ADGRB1: variants seen among roughly 807,000 people sequenced by gnomAD.
The protein encoded by ADGRB1 is adhesion G protein-coupled receptor B1.
In ADGRB1, 36 loss-of-function variants were observed where a neutral mutation model predicts 175.7. The observed-to-expected ratio is 0.20, with a 90% CI of 0.16 to 0.27. The LOEUF (loss-of-function observed/expected upper bound fraction) is 0.27. Among genes scored for constraint, ADGRB1 ranks in the 10% least tolerant of loss-of-function variants. ADGRB1 has a pLI of 1.00. For synonymous variants in ADGRB1, 1,054 were observed against 979.4 expected, an observed-to-expected ratio of 1.08 and a Z score of -1.42; for missense variants, 1,731 against 2,255.3, an observed-to-expected ratio of 0.77 and a Z score of 4.71.
intron 18 of ADGRB1, among the ~76,000 whole-genome samples, chr8:142,516,257 CGT>C (rs1843417050): frequency 8.2e-6 from 1 of 121,238 alleles, no homozygotes; most frequent in East Asian, 2.7e-4. Flanking sequence ...GCCCCAGGTG[CGT>C]GCGTCTGTGC....
rs1343160069 is a variant in ADGRB1 at position 142,542,185 on chromosome 8, C to T, written c.3951C>T (p.Ser1317=). 4 of 1,613,730 alleles carry T rather than the reference C, an allele frequency of 2.5e-6. No individual in the cohort carries two copies. The highest frequency in any genetic ancestry group is 2.2e-5 in the East Asian group (1 of 44,884). ...LTLKRDKAPK[S]SFVGDGDIFK... is the part of the protein sequence containing the mutation. ...TCAAGAGGGACAAGGCGCCCAAGTCCTCCTTCGTCGGTGACGGGGACATCT... is the reference window on the plus strand; with the variant it reads ...TCAAGAGGGACAAGGCGCCCAAGTCTTCCTTCGTCGGTGACGGGGACATCT... The change falls in exon 28 of 31, where the codon TCC becomes TCT. Residue 1317 remains serine (S), a synonymous_variant. Coordinates refer to ENST00000517894, the MANE Select transcript of ADGRB1 (RefSeq NM_001702.3). This position sits in a 1 kb window ranked among gnomAD's most constrained non-coding sequence, Gnocchi z 6.3.
intron 19 of ADGRB1, among the ~76,000 whole-genome samples, chr8:142,520,096 T>G (rs9801882): frequency 0.91 from 127,202 of 140,330 alleles, 57,180 homozygotes; most frequent in Admixed American, 0.94. Context: ...CTGTGTTGGT[T>G]ATGGTGATAG....
chr8:142,484,981 C>T (rs546825409), intron 13 of ADGRB1, among the ~76,000 whole-genome samples: 1 of 152,186 alleles, frequency 6.6e-6, no homozygotes, highest in Non-Finnish European at 1.5e-5. Flanking sequence ...GGGTGTGGAC[C>T]TGGGAGCTCC....
intron 21 of ADGRB1, 46 bp from the exon 22 acceptor site, chr8:142,522,595 T>G: frequency 3.3e-6 from 5 of 1,512,202 alleles, no homozygotes; most frequent in Non-Finnish European, 2.7e-6. Context: ...GGAGGCTGGC[T>G]GGGGACTTGG....
intron 16 of ADGRB1, among the ~76,000 whole-genome samples, chr8:142,489,740 C>T (rs563206309): frequency 2.0e-5 from 3 of 152,270 alleles, no homozygotes; most frequent in Admixed American, 6.5e-5. Flanking sequence ...AAGTGGAGCC[C>T]GTCCCATGAC....
rs753156964 is a variant in ADGRB1, at chr8:142,464,837, C to T, written c.639C>T (p.Cys213=). The change falls in exon 2 of 31, where the codon TGC becomes TGT. Residue 213 remains cysteine, a synonymous_variant. Coordinates refer to ENST00000517894, the MANE Select transcript of ADGRB1 (RefSeq NM_001702.3). The part of the protein sequence containing the change: ...SHPCGIMQTP[C]ACLGGEAGGP... ...CCTGCGGGATCATGCAGACCCCCTG[C>T]GCCTGCCTGGGCGGCGAGGCGGGCG... 3.5e-5 allele frequency: 53 copies of T among 1,527,524 alleles called. No homozygotes were observed. In the African/African-American group the frequency reaches 7.2e-4, roughly 21 times the overall value. 94.6% of individuals were successfully genotyped at this position (1,527,524 alleles called of 1,614,324 possible).
chr8:142,497,402 G>A (rs970839520), intron 17 of ADGRB1, among the ~76,000 whole-genome samples: 9 of 152,170 alleles, frequency 5.9e-5, no homozygotes, highest in Non-Finnish European at 1.3e-4. Flanking sequence ...GCGGAAGGAA[G>A]ACTTGGCAGG....
intron 2 of ADGRB1, 66 bp from the exon 3 acceptor site, chr8:142,475,408 T>G: frequency 8.1e-7 from 1 of 1,240,174 alleles, no homozygotes; most frequent in Non-Finnish European, 1.0e-6. Context: ...AGCACCCCCA[T>G]GACTTACCCG....
chr8:142,500,158 C>T (rs1044474665), intron 17 of ADGRB1, among the ~76,000 whole-genome samples: 3 of 151,894 alleles, frequency 2.0e-5, no homozygotes, highest in Non-Finnish European at 2.9e-5. Flanking sequence ...TGCCTGGGAT[C>T]GGGGCAGGCA....
rs1840111919 is a variant in ADGRB1, at chr8:142,464,111, C to T, written c.-88C>T. 1 of 1,164,312 alleles carries T rather than the reference C, an allele frequency of 8.6e-7. No individual in the cohort carries two copies. The highest frequency in any genetic ancestry group is 1.1e-6 in the Non-Finnish European group (1 of 933,206). The allele number at this position is 1,164,312 out of a possible 1,614,324, so 72.1% of individuals were successfully genotyped here. A position where few individuals can be genotyped will look rare whatever the true frequency, so the allele number is the denominator to read the frequency against. On this transcript the variant is annotated 5_prime_UTR_variant, in exon 2 of 31. Transcript: ENST00000517894. ...GCCTCCCTGCCCCCACCGGGCCGGC[C>T]CTGCCCGCCGCCGGACCCTGGCATG...
intron 27 of ADGRB1, among the ~76,000 whole-genome samples, chr8:142,540,938 A>G (rs1161229882): frequency 1.3e-5 from 2 of 151,806 alleles, no homozygotes; most frequent in Non-Finnish European, 2.9e-5. Flanking sequence ...TGTGTTCGGG[A>G]GAGAGAGTGA....
rs957272274 is a variant in ADGRB1 at position 142,479,711 on chromosome 8, A to T, written c.1745A>T (p.Asp582Val). 1 of 1,613,368 alleles carries T rather than the reference A, an allele frequency of 6.2e-7. No homozygotes were observed. The highest frequency in any genetic ancestry group is 1.1e-5 in the South Asian group (1 of 91,082). The change falls in exon 9 of 31, where the codon GAT (aspartate) becomes GTT (valine). Residue 582 changes from aspartate to valine, a missense_variant. Asp to Val is a radical substitution (Grantham distance 152, BLOSUM62 -3). This residue lies in a region of ADGRB1 where 388 missense variants were observed against 630.9 expected (regional missense o/e 0.61). Coordinates refer to ENST00000517894, the MANE Select transcript of ADGRB1 (RefSeq NM_001702.3). ...TTGGCAGAGCCCCATGAGATCTGTG[A>T]TGAGGACAACTTTGGTGCTGTGATC... ...QRCPEPHEIC[D>V]EDNFGAVIWK...
At position 142,510,636 on chromosome 8, in the gene ADGRB1, A is replaced by G. The variant is rs1386786643; in HGVS notation, c.2676-296A>G. 6.9e-6 allele frequency among the ~76,000 whole-genome samples: 1 copy of G among 143,982 alleles called. No individual in the cohort carries two copies. The highest frequency in any genetic ancestry group is 1.5e-5 in the Non-Finnish European group (1 of 65,188). The allele number at this position is 143,982 out of a possible 152,430, so 94.5% of individuals were successfully genotyped here. A position where few individuals can be genotyped will look rare whatever the true frequency, so the allele number is the denominator to read the frequency against. On this transcript the variant is annotated intron_variant, in intron 17 of 30. Transcript: ENST00000517894. The surrounding 1 kb of genome is among the most constrained non-coding windows in gnomAD (Gnocchi z 6.3). ...GCGGGCGACTGCCGGGCCCCGGGCCAGCTCTCGCCCCCCGCCCCGCCCCCG... is the reference window on the plus strand; with the variant it reads ...GCGGGCGACTGCCGGGCCCCGGGCCGGCTCTCGCCCCCCGCCCCGCCCCCG...
chr8:142,457,402 C>T (rs1191221645), intron 1 of ADGRB1, among the ~76,000 whole-genome samples: 6 of 152,210 alleles, frequency 3.9e-5, no homozygotes, highest in African/African-American at 1.4e-4. Context: ...CCACAGTGGT[C>T]TCTGTAAGAA....
rs1388506967 is a variant in ADGRB1, at chr8:142,520,921, A to G, written c.3020A>G (p.Asn1007Ser). 1 of 1,612,654 alleles carries G rather than the reference A, an allele frequency of 6.2e-7. No individual in the cohort carries two copies. Among genetic ancestry groups the G allele is most frequent in the Admixed American group, 1.7e-5 (1 of 59,982 alleles). ...LILIGQTQTR[N>S]KVVCTLVAAF... ...CTCATCGGGCAGACCCAGACCCGCA[A>G]CAAGGTAGGCAGCCTTGCGTCCTGC... Residue 1007 changes from asparagine to serine, a missense_variant, in exon 20 of 31, where the codon AAC becomes AGC. Asn to Ser is a conservative substitution (Grantham distance 46). Coordinates refer to ENST00000517894, the MANE Select transcript of ADGRB1 (RefSeq NM_001702.3).
chr8:142,491,005 A>G (rs1051707784), intron 17 of ADGRB1, among the ~76,000 whole-genome samples, 190 bp downstream of exon 17: 1 of 151,134 alleles, frequency 6.6e-6, no homozygotes, highest in Non-Finnish European at 1.5e-5. Context: ...GCCGCCTCCC[A>G]CCCCCTCCCA....
chr8:142,543,790 TCATCCATC>T lies in ADGRB1; in HGVS notation c.4557+102_4557+109del, dbSNP rs374003039. 87 of 1,248,208 alleles carry T rather than the reference TCATCCATC, an allele frequency of 7.0e-5. No homozygotes were observed. Among genetic ancestry groups the T allele is most frequent in the Non-Finnish European group, 3.9e-5 (34 of 875,168 alleles). 77.3% of individuals were successfully genotyped at this position (1,248,208 alleles called of 1,614,324 possible). On this transcript the variant is annotated intron_variant, in intron 30 of 30. Coordinates refer to ENST00000517894, the MANE Select transcript of ADGRB1 (RefSeq NM_001702.3). The surrounding 1 kb of genome is among the most constrained non-coding windows in gnomAD (Gnocchi z 4.4). ...CCCTTCTTCCCTGGATTTGTGCACT[TCATCCATC>T]CATCCATCCATCCATCCATTCGTTC...
chr8:142,495,671 C>T (rs1189597498), intron 17 of ADGRB1, among the ~76,000 whole-genome samples: 1 of 152,010 alleles, frequency 6.6e-6, no homozygotes, highest in African/African-American at 2.4e-5. Flanking sequence ...CTTTTCCTGG[C>T]CTTCTGTCTT....
At chr8:142,525,081 G>C (rs1220305433) in intron 23 of ADGRB1, among the ~76,000 whole-genome samples, 1 of 152,118 alleles carries the variant, frequency 6.6e-6, no homozygotes, top group Non-Finnish European at 1.5e-5. Context: ...CCCCATCCTA[G>C]TGGGGACTCA....
Sources: gnomAD v4.1 joint callset for allele counts (sites outside exome capture counted in the v4.1 genomes callset) on GRCh38, gnomAD v4.1.1 for gene constraint, gnomAD v4.1.1 regional missense constraint, Gnocchi (gnomAD v3.1) non-coding constraint, MANE v1.5 for transcripts, NCBI Gene and HGNC (gene_info 2026-07-23, HGNC 2026-07-21) for gene names.